GALNT18: variants seen among roughly 807,000 people sequenced by gnomAD.
GALNT18 encodes the protein GalNAc-transferase 18.
GALNT18 carries 44 observed loss-of-function variants against 69.5 expected under a neutral mutation model. The observed-to-expected ratio is 0.63, with a 90% CI of 0.50 to 0.81. GALNT18 has a LOEUF of 0.81. GALNT18 is among the 40% of genes least tolerant of loss of function. The pLI, the probability that GALNT18 is intolerant of heterozygous loss-of-function variation, is 0.00. For synonymous variants in GALNT18, 364 were observed against 318.2 expected (o/e 1.14, Z -1.53); for missense variants, 715 against 810.0 (o/e 0.88, Z 1.42).
At position 11,306,787 on chromosome 11, in the gene GALNT18, A is replaced by G. The variant is rs191110696; in HGVS notation, c.1513-13594T>C. The stretch of plus-strand genomic sequence containing the variant: ...TTTTTCCCATCCTCGCATACAAACT[A>G]CTTTGCAATGTGACTGCGCAGCTCT... On this transcript the variant is annotated intron_variant, in intron 9 of 10. Transcript: ENST00000227756. Among the ~76,000 whole-genome samples, 4 of 152,276 alleles carry G rather than the reference A, an allele frequency of 2.6e-5. No individual in the cohort carries two copies. In the East Asian group the frequency reaches 7.7e-4, roughly 29 times the overall value.
At chr11:11,490,619 C>T (rs1281450877) in intron 1 of GALNT18, among the ~76,000 whole-genome samples, 6 of 152,154 alleles carry the variant, frequency 3.9e-5, no homozygotes, top group African/African-American at 1.4e-4. Flanking sequence ...GGGACAGGTA[C>T]TATTGTTTTC....
intron 1 of GALNT18, among the ~76,000 whole-genome samples, chr11:11,506,004 T>C (rs770217619): frequency 1.3e-5 from 2 of 152,202 alleles, no homozygotes; most frequent in Admixed American, 6.5e-5. Flanking sequence ...TTATGTATTA[T>C]TGAGGTTTCC....
At chr11:11,306,587 G>T (rs963341593) in intron 9 of GALNT18, among the ~76,000 whole-genome samples, 17 of 152,178 alleles carry the variant, frequency 1.1e-4, no homozygotes, top group African/African-American at 3.9e-4. Flanking sequence ...ATGCCAGATG[G>T]ATTGCACTAT....
intron 6 of GALNT18, chr11:11,353,389 A>C: frequency 1.8e-6 from 1 of 565,670 alleles, no homozygotes; most frequent in South Asian, 2.2e-5. Context: ...TCATCTATTT[A>C]CTCAGCATAT....
chr11:11,280,819 A>G lies in GALNT18; in HGVS notation c.1678-9529T>C, dbSNP rs143788963. On this transcript the variant is annotated intron_variant, in intron 10 of 10. Coordinates refer to ENST00000227756, the MANE Select transcript of GALNT18 (RefSeq NM_198516.3). ...ATGGTGCTCCTGATGGGTGTGAAGC[A>G]CAGCCTCAAGTTGTCCTCTCAAACT... Among the ~76,000 whole-genome samples, 295 of 152,276 alleles carry G rather than the reference A, an allele frequency of 1.9e-3. 1 individual carries two copies. Among genetic ancestry groups the G allele is most frequent in the Middle Eastern group, 0.01 (3 of 294 alleles).
chr11:11,521,031 G>A (rs1255780405), intron 1 of GALNT18, among the ~76,000 whole-genome samples: 1 of 151,940 alleles, frequency 6.6e-6, no homozygotes, highest in African/African-American at 2.4e-5. Context: ...CTGGCTACCT[G>A]GCTGTATCCT....
In GALNT18 at chr11:11,543,211, A is replaced by G. The variant is rs1408387885; in HGVS notation, c.235+78148T>C. Among the ~76,000 whole-genome samples the G allele has an allele frequency of 1.3e-5, 2 of 152,104 alleles. No homozygotes were observed. The highest frequency in any genetic ancestry group is 6.5e-5 in the Admixed American group (1 of 15,276). ...CTATAATGTCTTGGATGTTTCTAGA[A>G]CCTCATTTTGGAAAGTTGTTAATTC... On this transcript the variant is annotated intron_variant, in intron 1 of 10. Transcript: ENST00000227756. This position sits in a 1 kb window ranked among gnomAD's most constrained non-coding sequence, Gnocchi z 5.1.
rs190900132 is a variant in GALNT18 at position 11,380,604 on chromosome 11, A to G, written c.596-1340T>C. The stretch of plus-strand genomic sequence containing the variant: ...GTCTCAAATTAAGCTTACTGCTAAC[A>G]TATACTTACAAATTATTTTTACATG... On this transcript the variant is annotated intron_variant, in intron 3 of 10. Transcript: ENST00000227756. Among the ~76,000 whole-genome samples the G allele has an allele frequency of 3.2e-4, 48 of 152,344 alleles. 1 individual carries two copies. Among genetic ancestry groups the G allele is most frequent in the African/African-American group, 1.2e-3 (48 of 41,582 alleles).
Position 11,555,919 on chromosome 11 carries a change from C to G in GALNT18, c.235+65440G>C, listed in dbSNP as rs1342299729. On this transcript the variant is annotated intron_variant, in intron 1 of 10. Coordinates refer to ENST00000227756, the MANE Select transcript of GALNT18 (RefSeq NM_198516.3). This position sits in a 1 kb window ranked among gnomAD's most constrained non-coding sequence, Gnocchi z 4.7. ...GTCTCACGAGAATGCAGAGCAGGAT[C>G]ATCTGAACGTTGATCTGGTTTGCTT... Among the ~76,000 whole-genome samples, 1 of 152,246 alleles carries G rather than the reference C, an allele frequency of 6.6e-6. No homozygotes were observed. The highest frequency in any genetic ancestry group is 6.5e-5 in the Admixed American group (1 of 15,286).
At chr11:11,594,125 T>A (rs930658110) in intron 1 of GALNT18, among the ~76,000 whole-genome samples, 1 of 152,186 alleles carries the variant, frequency 6.6e-6, no homozygotes, top group Non-Finnish European at 1.5e-5. Context: ...AGCACAGTAT[T>A]TTTTTAGAAG....
chr11:11,425,959 T>C lies in GALNT18; in HGVS notation c.595+6662A>G, dbSNP rs961419364. 3.3e-5 allele frequency among the ~76,000 whole-genome samples: 5 copies of C among 152,206 alleles called. No homozygotes were observed. In the South Asian group the frequency reaches 6.2e-4, roughly 19 times the overall value. ...ATCATGCAGTCCCAGCTAAAGACAT[T>C]GGTCCATTGGGATTTGCTGAAAAGT... On this transcript the variant is annotated intron_variant, in intron 3 of 10. Coordinates refer to ENST00000227756, the MANE Select transcript of GALNT18 (RefSeq NM_198516.3).
intron 9 of GALNT18, among the ~76,000 whole-genome samples, chr11:11,307,312 A>G (rs1258818082): frequency 1.3e-5 from 2 of 152,204 alleles, no homozygotes; most frequent in Non-Finnish European, 2.9e-5. Flanking sequence ...AATTACATTC[A>G]TTTTATCCCC....
intron 1 of GALNT18, among the ~76,000 whole-genome samples, chr11:11,492,123 G>A (rs1321020766): frequency 2.0e-5 from 3 of 152,178 alleles, no homozygotes; most frequent in South Asian, 2.1e-4. Flanking sequence ...TTCGGGGCAG[G>A]GGAAATCACT....
chr11:11,425,168 G>T (rs1262084523), intron 3 of GALNT18, among the ~76,000 whole-genome samples: 3 of 152,236 alleles, frequency 2.0e-5, no homozygotes, highest in Non-Finnish European at 4.4e-5. Flanking sequence ...GTTTCCTTCT[G>T]CCCATCTCTT....
intron 10 of GALNT18, among the ~76,000 whole-genome samples, chr11:11,279,818 C>G (rs994712556): frequency 6.6e-6 from 1 of 152,128 alleles, no homozygotes; most frequent in African/African-American, 2.4e-5. Flanking sequence ...TGATGGAAAC[C>G]TAGGGATTTG....
chr11:11,499,506 A>G (rs923259), intron 1 of GALNT18, among the ~76,000 whole-genome samples: 38,633 of 151,848 alleles, frequency 0.25, 5,078 homozygotes, highest in Middle Eastern at 0.29. Context: ...TGCCCTCTAG[A>G]GCCTGTGCCT....
chr11:11,425,779 C>T (rs1855115633), intron 3 of GALNT18, among the ~76,000 whole-genome samples: 1 of 152,180 alleles, frequency 6.6e-6, no homozygotes. Context: ...CCCCAAAGTG[C>T]TTAGCCAGGC....
intron 1 of GALNT18, among the ~76,000 whole-genome samples, chr11:11,467,412 G>T (rs1433513664): frequency 6.6e-6 from 1 of 152,202 alleles, no homozygotes; most frequent in African/African-American, 2.4e-5. Context: ...GAGGTGATAT[G>T]GCAGAGGCTT....
At position 11,415,691 on chromosome 11, in the gene GALNT18, G is replaced by A. The variant is rs1368709133; in HGVS notation, c.595+16930C>T. Among the ~76,000 whole-genome samples, 10 of 152,108 alleles carry A rather than the reference G, an allele frequency of 6.6e-5. No homozygotes were observed. Among genetic ancestry groups the A allele is most frequent in the Non-Finnish European group, 1.2e-4 (8 of 68,040 alleles). On this transcript the variant is annotated intron_variant, in intron 3 of 10. Transcript: ENST00000227756. The surrounding 1 kb of genome is among the most constrained non-coding windows in gnomAD (Gnocchi z 4.1). ...CATAAAAACCCTAAAACATAGAACA[G>A]AAAAGACAGAATCTATCTCCCACCC...
Sources: gnomAD v4.1 joint callset for allele counts (sites outside exome capture counted in the v4.1 genomes callset) on GRCh38, gnomAD v4.1.1 for gene constraint, Gnocchi (gnomAD v3.1) non-coding constraint, MANE v1.5 for transcripts, NCBI Gene and HGNC (gene_info 2026-07-23, HGNC 2026-07-21) for gene names.